FRMPD4: variants seen among roughly 807,000 people sequenced by gnomAD.
FRMPD4 encodes the protein FERM and PDZ domain containing 4.
A neutral mutation model predicts 94.1 loss-of-function variants in FRMPD4; 22 were observed. The observed-to-expected ratio is 0.23, with a 90% confidence interval of 0.17 to 0.33. FRMPD4 has a LOEUF of 0.33. Among genes scored for constraint, FRMPD4 ranks in the 10% least tolerant of loss-of-function variants. The pLI, the probability that FRMPD4 is intolerant of heterozygous loss-of-function variation, is 1.00. For synonymous variants in FRMPD4, 631 were observed against 548.6 expected, an observed-to-expected ratio of 1.15 and a Z score of -2.10; for missense variants, 1,111 against 1,339.9, an observed-to-expected ratio of 0.83 and a Z score of 2.67.
chrX:12,544,007 G>A (rs2058446751), intron 2 of FRMPD4, among the ~76,000 whole-genome samples: 2 of 104,884 alleles, frequency 1.9e-5, no homozygotes, highest in South Asian at 9.1e-4. Flanking sequence ...AACACCACAT[G>A]TTCTCAATCA....
chrX:12,209,154 A>G (rs891760652), intron 1 of FRMPD4, among the ~76,000 whole-genome samples: 3 of 112,139 alleles, frequency 2.7e-5, no homozygotes, highest in African/African-American at 9.7e-5. Flanking sequence ...GAATCAATAT[A>G]TAAATTAAGT....
intron 3 of FRMPD4, among the ~76,000 whole-genome samples, chrX:11,954,445 A>G (rs1479543029): frequency 8.9e-6 from 1 of 112,183 alleles, no homozygotes; most frequent in Non-Finnish European, 1.9e-5. Flanking sequence ...TGAGAGAATA[A>G]TGTGGCTAAG....
chrX:12,148,977 A>G (rs1193721876), intron 1 of FRMPD4: 3 of 112,129 alleles, frequency 2.7e-5, no homozygotes, highest in Non-Finnish European at 5.6e-5. Flanking sequence ...ATTACTGCCC[A>G]TTGACAATGT....
intron 3 of FRMPD4, among the ~76,000 whole-genome samples, chrX:12,069,718 G>A (rs2054950352): frequency 8.9e-6 from 1 of 111,815 alleles, no homozygotes; most frequent in Admixed American, 9.5e-5. Flanking sequence ...TAGAGAAAAT[G>A]AGACTGAGAG....
chrX:12,171,621 T>G (rs1260395803), intron 1 of FRMPD4, among the ~76,000 whole-genome samples: 1 of 111,751 alleles, frequency 8.9e-6, no homozygotes, highest in Non-Finnish European at 1.9e-5. Flanking sequence ...GATTCAGTTT[T>G]TCAGAGTCAA....
intron 3 of FRMPD4, among the ~76,000 whole-genome samples, chrX:12,027,455 C>T (rs2147429846): frequency 8.9e-6 from 1 of 112,028 alleles, no homozygotes; most frequent in South Asian, 3.7e-4. Context: ...GTGAGGAAAA[C>T]TAAAATCAGC....
At chrX:12,384,336 C>T (rs954770735) in intron 1 of FRMPD4, among the ~76,000 whole-genome samples, 3 of 110,898 alleles carry the variant, frequency 2.7e-5, no homozygotes, top group Non-Finnish European at 5.7e-5. Flanking sequence ...GCCAACATGG[C>T]GAAACCGTAT....
intron 3 of FRMPD4, among the ~76,000 whole-genome samples, chrX:11,908,455 A>G (rs767236400): frequency 8.9e-6 from 1 of 112,314 alleles, no homozygotes. Flanking sequence ...ACCTCAAACT[A>G]ACAGAGTTAT....
At chrX:11,917,364 A>T (rs2054030204) in intron 3 of FRMPD4, among the ~76,000 whole-genome samples, 1 of 112,361 alleles carries the variant, frequency 8.9e-6, no homozygotes, top group African/African-American at 3.2e-5. Context: ...TAGAACTTCC[A>T]TGTGACCCAG....
At chrX:12,133,475 A>T (rs1310649040), upstream of FRMPD4, among the ~76,000 whole-genome samples, 1 of 110,376 alleles carries the variant, frequency 9.1e-6, no homozygotes, top group Non-Finnish European at 1.9e-5. Flanking sequence ...CCCAGGCTGG[A>T]GTGCAGTAGC....
intron 1 of FRMPD4, among the ~76,000 whole-genome samples, chrX:12,141,673 C>A (rs1438419117): frequency 9.5e-6 from 1 of 105,306 alleles, no homozygotes; most frequent in Non-Finnish European, 1.9e-5. Context: ...TGATTGCATC[C>A]TTCGTGGGTG....
At chrX:12,389,314 A>C (rs1438530149) in intron 1 of FRMPD4, among the ~76,000 whole-genome samples, 6 of 109,659 alleles carry the variant, frequency 5.5e-5, no homozygotes, top group Non-Finnish European at 1.1e-4. Context: ...TCTCTACTAC[A>C]AATACGAAAA....
intron 3 of FRMPD4, among the ~76,000 whole-genome samples, chrX:12,095,016 A>G (rs1053617318): frequency 9.0e-6 from 1 of 111,704 alleles, no homozygotes; most frequent in African/African-American, 3.3e-5. Context: ...TCATGGGCTC[A>G]TGACCTAAAT....
At chrX:12,139,343 C>A (rs1000481527) in intron 1 of FRMPD4, among the ~76,000 whole-genome samples, 2 of 111,239 alleles carry the variant, frequency 1.8e-5, no homozygotes, top group African/African-American at 3.3e-5. Flanking sequence ...GTTGTAATTG[C>A]TACTGCTAGG....
chrX:12,422,095 A>G (rs1477975061), intron 1 of FRMPD4, among the ~76,000 whole-genome samples: 1 of 112,369 alleles, frequency 8.9e-6, no homozygotes, highest in African/African-American at 3.2e-5. Context: ...AATGTGTTTA[A>G]TCATGAATTA....
intron 1 of FRMPD4, among the ~76,000 whole-genome samples, chrX:12,291,389 G>A (rs780290871): frequency 1.8e-5 from 2 of 111,305 alleles, no homozygotes; most frequent in South Asian, 3.8e-4. Flanking sequence ...GATTGTCCTC[G>A]GCTCCCTTTA....
chrX:12,235,575 T>A (rs2057062388), intron 1 of FRMPD4, among the ~76,000 whole-genome samples: 1 of 112,446 alleles, frequency 8.9e-6, no homozygotes, highest in African/African-American at 3.2e-5. Flanking sequence ...GTGTAATCAG[T>A]ACTATTAAGC....
At chrX:12,164,671 A>G (rs1245840177) in intron 1 of FRMPD4, among the ~76,000 whole-genome samples, 1 of 112,388 alleles carries the variant, frequency 8.9e-6, no homozygotes, top group Non-Finnish European at 1.9e-5. Context: ...CCAACAGTGT[A>G]AAAGTGTTCC....
At chrX:12,562,141 T>A (rs767253274) in intron 2 of FRMPD4, among the ~76,000 whole-genome samples, 5 of 112,689 alleles carry the variant, frequency 4.4e-5, no homozygotes, top group Non-Finnish European at 9.4e-5. Flanking sequence ...CTTAAAAACC[T>A]ACATCCTGCT....
Sources: gnomAD v4.1 joint callset for allele counts (sites outside exome capture counted in the v4.1 genomes callset) on GRCh38, gnomAD v4.1.1 for gene constraint, MANE v1.5 for transcripts, NCBI Gene and HGNC (gene_info 2026-07-23, HGNC 2026-07-21) for gene names.